PCDHGB3: variants seen among roughly 807,000 people sequenced by gnomAD.
PCDHGB3 encodes the protein protocadherin gamma-B3.
A neutral mutation model predicts 59.2 loss-of-function variants in PCDHGB3; 40 were observed. That is an observed-to-expected ratio of 0.68 (90% confidence interval 0.52 to 0.88). PCDHGB3 has a LOEUF of 0.88. Among genes scored for constraint, PCDHGB3 ranks in the 40% least tolerant of loss-of-function variants. PCDHGB3 has a pLI of 0.00. For synonymous variants in PCDHGB3, 581 were observed against 503.6 expected, an observed-to-expected ratio of 1.15 and a Z score of -2.06; for missense variants, 1,309 against 1,187.9, an observed-to-expected ratio of 1.10 and a Z score of -1.50.
chr5:141,409,844 C>G (rs1380163040), intron 1 of PCDHGB3: 3 of 1,611,858 alleles, frequency 1.9e-6, no homozygotes, highest in East Asian at 4.5e-5. Flanking sequence ...CAACGTGAGC[C>G]TGCGCGTGTT....
chr5:141,393,274 T>G (rs747983531), intron 1 of PCDHGB3: 11 of 1,613,952 alleles, frequency 6.8e-6, no homozygotes, highest in Non-Finnish European at 9.3e-6. Flanking sequence ...CGTTATCCAC[T>G]CCCAGAAGCT....
chr5:141,489,238 G>A lies in PCDHGB3; in HGVS notation c.2416-5569G>A. On this transcript the variant is annotated intron_variant, in intron 1 of 3. Coordinates refer to ENST00000576222, the MANE Select transcript of PCDHGB3 (RefSeq NM_018924.5). The surrounding 1 kb of genome is among the most constrained non-coding windows in gnomAD (Gnocchi z 4.5). ...TTACTCTCCACAAAGGGACTTCTGG[G>A]TCATGGGGCCCAAGACACTCCCACA... 6.5e-7 allele frequency: 1 copy of A among 1,534,146 alleles called. No homozygotes were observed.
At position 141,399,887 on chromosome 5, in the gene PCDHGB3, T is replaced by C. The variant is rs1189359878; in HGVS notation, c.2415+27078T>C. ...GAGCCCGGCTACCTGGTGACCAAGG[T>C]AGTGGCCGTGGACGCAGACTCAGGA... On this transcript the variant is annotated intron_variant, in intron 1 of 3. Coordinates refer to ENST00000576222, the MANE Select transcript of PCDHGB3 (RefSeq NM_018924.5). 3 of 1,612,524 alleles carry C rather than the reference T, an allele frequency of 1.9e-6. No homozygotes were observed. The African/African-American group carries it at 4.0e-5, about 22-fold the overall frequency.
rs1189175823 is a variant in PCDHGB3 at position 141,422,087 on chromosome 5, G to T, written c.2415+49278G>T. 2 of 1,611,966 alleles carry T rather than the reference G, an allele frequency of 1.2e-6. No individual in the cohort carries two copies. ...ATGTATTCATTTCGGAACATGGAAA[G>T]CAAGGCTTCTGAAATATTCCAATTG... is the stretch of plus-strand genomic sequence containing the variant. On this transcript the variant is annotated intron_variant, in intron 1 of 3. Transcript: ENST00000576222.
Position 141,427,553 on chromosome 5 carries a change from TG to T in PCDHGB3, c.2415+54745del, listed in dbSNP as rs201716174. ...AGTACAACGTCACCATCACTGCCAC[TG>T]ACAAGGGCAAGCCTCCGCTCTCATC... On this transcript the variant is annotated intron_variant, in intron 1 of 3. Transcript: ENST00000576222. 2.7e-3 allele frequency: 1,760 copies of T among 646,124 alleles called. 23 individuals are homozygous for T. In the African/African-American group the frequency reaches 0.028, roughly 10 times the overall value. 40.0% of individuals were successfully genotyped at this position (646,124 alleles called of 1,614,324 possible).
intron 1 of PCDHGB3, chr5:141,430,844 A>C: frequency 6.4e-7 from 1 of 1,571,464 alleles, no homozygotes; most frequent in Non-Finnish European, 8.6e-7. Flanking sequence ...GACCGGATGC[A>C]CCCAGATACG....
chr5:141,370,350 A>G lies in PCDHGB3; in HGVS notation c.-45A>G, dbSNP rs1454225178. 1 of 1,496,326 alleles carries G rather than the reference A, an allele frequency of 6.7e-7. No individual in the cohort carries two copies. Among genetic ancestry groups the G allele is most frequent in the Non-Finnish European group, 9.0e-7 (1 of 1,116,676 alleles). The allele number at this position is 1,496,326 out of a possible 1,614,324, so 92.7% of individuals were successfully genotyped here. Reference sequence around the variant, plus strand: ...GGAGAACTCTTGGGATTATTTAAAGATCTCCTCTCCTCGGATTTAGAAAGG... The same window carrying G: ...GGAGAACTCTTGGGATTATTTAAAGGTCTCCTCTCCTCGGATTTAGAAAGG... On this transcript the variant is annotated 5_prime_UTR_variant, in exon 1 of 4. Transcript: ENST00000576222.
In PCDHGB3 at chr5:141,511,555, C is replaced by T; in HGVS notation, c.*382C>T. 1 of 305,302 alleles carries T rather than the reference C, an allele frequency of 3.3e-6. No individual in the cohort carries two copies. Among genetic ancestry groups the T allele is most frequent in the South Asian group, 3.6e-5 (1 of 28,078 alleles). 18.9% of individuals were successfully genotyped at this position (305,302 alleles called of 1,614,324 possible). ...CCTCCCCACCCCACTCCAACAGTTC[C>T]TCTTTCCCGAGTAAGGTGGTTGGGG... On this transcript the variant is annotated 3_prime_UTR_variant, in exon 4 of 4. Coordinates refer to ENST00000576222, the MANE Select transcript of PCDHGB3 (RefSeq NM_018924.5).
intron 1 of PCDHGB3, chr5:141,403,610 C>T: frequency 6.2e-7 from 1 of 1,613,860 alleles, no homozygotes; most frequent in Non-Finnish European, 8.5e-7. Context: ...TGGCGGCGAG[C>T]CGCGTCGCTC....
chr5:141,481,658 T>C (rs910422064), intron 1 of PCDHGB3, among the ~76,000 whole-genome samples: 2 of 150,554 alleles, frequency 1.3e-5, no homozygotes, highest in East Asian at 2.0e-4. Context: ...TCTCTACTAA[T>C]AATACAAAAA....
rs768847018 is a variant in PCDHGB3 at position 141,431,426 on chromosome 5, A to C, written c.2415+58617A>C. On this transcript the variant is annotated intron_variant, in intron 1 of 3. Transcript: ENST00000576222. The surrounding 1 kb of genome is among the most constrained non-coding windows in gnomAD (Gnocchi z 4.8). ...CTCCGACGGGGGCGACCCGGTGCGCACAGGCACCGCGCGCATCCGCGTGAT... is the reference window on the plus strand; with the variant it reads ...CTCCGACGGGGGCGACCCGGTGCGCCCAGGCACCGCGCGCATCCGCGTGAT... 6.2e-7 allele frequency: 1 copy of C among 1,613,666 alleles called. No individual in the cohort carries two copies. The highest frequency in any genetic ancestry group is 1.1e-5 in the South Asian group (1 of 91,078).
chr5:141,410,730 C>CT (rs1191642079), intron 1 of PCDHGB3: 2 of 1,347,822 alleles, frequency 1.5e-6, no homozygotes, highest in Admixed American at 2.5e-5. Context: ...AAATCCATAG[C>CT]TTTTTACAAT....
At chr5:141,495,014 G>A (rs561045298) in intron 2 of PCDHGB3, 149 bp downstream of exon 2, 13 of 1,510,430 alleles carry the variant, frequency 8.6e-6, no homozygotes, top group South Asian at 7.5e-5. Flanking sequence ...GCGGGGGGCT[G>A]GCACACAGAC....
rs539727453 is a variant in PCDHGB3 at position 141,487,510 on chromosome 5, C to G, written c.2416-7297C>G. ...GCTGTACACCCTTGGCTTCTGCACC[C>G]ACTCGGAGTGATAGCTTCATGATGG... On this transcript the variant is annotated intron_variant, in intron 1 of 3. Coordinates refer to ENST00000576222, the MANE Select transcript of PCDHGB3 (RefSeq NM_018924.5). This position sits in a 1 kb window ranked among gnomAD's most constrained non-coding sequence, Gnocchi z 5.0. The G allele has an allele frequency of 2.5e-6, 4 of 1,614,210 alleles. No homozygotes were observed. The highest frequency in any genetic ancestry group is 2.2e-5 in the East Asian group (1 of 44,860).
chr5:141,464,530 T>C (rs375523203), intron 1 of PCDHGB3, among the ~76,000 whole-genome samples: 1 of 152,108 alleles, frequency 6.6e-6, no homozygotes, highest in African/African-American at 2.4e-5. Flanking sequence ...TATGTAGTTT[T>C]GTTAAATATA....
Position 141,491,763 on chromosome 5 carries a change from T to A in PCDHGB3, c.2416-3044T>A. 1 of 1,570,222 alleles carries A rather than the reference T, an allele frequency of 6.4e-7. No individual in the cohort carries two copies. The highest frequency in any genetic ancestry group is 8.6e-7 in the Non-Finnish European group (1 of 1,159,286). On this transcript the variant is annotated intron_variant, in intron 1 of 3. Transcript: ENST00000576222. This position sits in a 1 kb window ranked among gnomAD's most constrained non-coding sequence, Gnocchi z 6.9. ...GCGGCACTGGAGAAGCCGCCCGTCC[T>A]CATAAGGGATTGAACTTGCATCCAC... is the stretch of plus-strand genomic sequence containing the variant.
chr5:141,409,666 C>T, intron 1 of PCDHGB3: 3 of 1,613,554 alleles, frequency 1.9e-6, no homozygotes, highest in Non-Finnish European at 2.5e-6. Flanking sequence ...GCCACATCTC[C>T]TACTCTATAG....
In PCDHGB3 at chr5:141,431,155, C is replaced by T; in HGVS notation, c.2415+58346C>T. On this transcript the variant is annotated intron_variant, in intron 1 of 3. Transcript: ENST00000576222. This position sits in a 1 kb window ranked among gnomAD's most constrained non-coding sequence, Gnocchi z 4.8. ...GGGACATTAACGACAATGCGCCTTA[C>T]TTTCGTGAAAGTGAATTAGAAATAA... is the stretch of plus-strand genomic sequence containing the variant. 6.2e-7 allele frequency: 1 copy of T among 1,614,212 alleles called. No homozygotes were observed. Among genetic ancestry groups the T allele is most frequent in the Non-Finnish European group, 8.5e-7 (1 of 1,180,032 alleles).
At position 141,432,612 on chromosome 5, in the gene PCDHGB3, C is replaced by A. The variant is rs752901891; in HGVS notation, c.2415+59803C>A. On this transcript the variant is annotated intron_variant, in intron 1 of 3. Transcript: ENST00000576222. This position sits in a 1 kb window ranked among gnomAD's most constrained non-coding sequence, Gnocchi z 6.0. ...AAGGCCAGCGAGCCGGGACTCTTCT[C>A]GGTGGGTCTGCACACGGGCGAGGTG... 1 of 1,613,912 alleles carries A rather than the reference C, an allele frequency of 6.2e-7. No individual in the cohort carries two copies. The highest frequency in any genetic ancestry group is 1.1e-5 in the South Asian group (1 of 91,062).
Sources: allele counts gnomAD v4.1 joint callset (sites outside exome capture counted in the v4.1 genomes callset), GRCh38; gene constraint gnomAD v4.1.1; non-coding constraint Gnocchi (gnomAD v3.1); transcripts MANE v1.5; gene names NCBI Gene and HGNC (gene_info 2026-07-23, HGNC 2026-07-21).